Variants in OR6C74 observed in about 807,000 individuals in gnomAD.
OR6C74 encodes the protein olfactory receptor family 6 subfamily C member 74.
For missense variants in OR6C74, 361 were observed against 362.9 expected, an observed-to-expected ratio of 0.99 and a Z score of 0.04; for synonymous variants, 142 against 134.2, an observed-to-expected ratio of 1.06 and a Z score of -0.40.
chr12:55,245,909 A>G (rs1954267584), intron 1 of OR6C74, among the ~76,000 whole-genome samples: 1 of 152,190 alleles, frequency 6.6e-6, no homozygotes, highest in African/African-American at 2.4e-5. Flanking sequence ...AATAATGGGA[A>G]AGGAAGGGGA....
rs1472592394 is a variant in OR6C74 at position 55,247,695 on chromosome 12, CAG to C, written c.411_412del (p.Arg137SerfsTer28). The C allele has an allele frequency of 6.2e-7, 1 of 1,614,022 alleles. No individual in the cohort carries two copies. The highest frequency in any genetic ancestry group is 1.1e-5 in the South Asian group (1 of 91,078). Reference protein sequence around the residue: ...PLHYTTIMSSRVCSLLVFASW... With the variant: ...PLHYTTIMSSXVCSLLVFASW... ...TGCATTACACCACCATCATGAGCAG[CAG>C]AGTTTGCAGCTTGCTGGTCTTTGCT... On this transcript the variant is annotated frameshift_variant, in exon 2 of 2. Coordinates refer to ENST00000343399, the MANE Select transcript of OR6C74 (RefSeq NM_001005490.2). LOFTEE classifies it low-confidence loss of function (END_TRUNC).
chr12:55,249,005 A>G lies in OR6C74; in HGVS notation c.*779A>G, dbSNP rs896197517. ...TGATGACAACAAAAATAAATACCCA[A>G]GGATGACAAAAATGATGCCTTCATG... On this transcript the variant is annotated 3_prime_UTR_variant, in exon 2 of 2. Transcript: ENST00000343399. Among the ~76,000 whole-genome samples the G allele has an allele frequency of 6.6e-6, 1 of 152,200 alleles. No homozygotes were observed. Among genetic ancestry groups the G allele is most frequent in the Non-Finnish European group, 1.5e-5 (1 of 68,008 alleles).
intron 1 of OR6C74, among the ~76,000 whole-genome samples, chr12:55,245,117 T>A (rs963617637): frequency 6.6e-6 from 1 of 152,136 alleles, no homozygotes; most frequent in African/African-American, 2.4e-5. Flanking sequence ...CAGTATGGCA[T>A]GAAATTATAA....
rs1954308171 is a variant in OR6C74, at chr12:55,250,972, G to T, written c.*2746G>T. Among the ~76,000 whole-genome samples, 1 of 151,968 alleles carries T rather than the reference G, an allele frequency of 6.6e-6. No individual in the cohort carries two copies. The highest frequency in any genetic ancestry group is 1.5e-5 in the Non-Finnish European group (1 of 67,954). On this transcript the variant is annotated 3_prime_UTR_variant, in exon 2 of 2. Coordinates refer to ENST00000343399, the MANE Select transcript of OR6C74 (RefSeq NM_001005490.2). Reference sequence around the variant, plus strand: ...TGATCTCTAACTCATCCTCCACATTGCTAGTAGGATACTTTCTAAAATACA... The same window carrying T: ...TGATCTCTAACTCATCCTCCACATTTCTAGTAGGATACTTTCTAAAATACA...
rs1204151786 is a variant in OR6C74, at chr12:55,247,435, G to A, written c.148G>A (p.Asp50Asn). 1 of 1,613,640 alleles carries A rather than the reference G, an allele frequency of 6.2e-7. No individual in the cohort carries two copies. Among genetic ancestry groups the A allele is most frequent in the Admixed American group, 1.7e-5 (1 of 59,992 alleles). Residue 50 changes from aspartate (D) to asparagine (N), a missense_variant, in exon 2 of 2, where the codon GAT (aspartate) becomes AAT (asparagine). By Grantham distance (23) the Asp-to-Asn change is conservative (BLOSUM62 1). Coordinates refer to ENST00000343399, the MANE Select transcript of OR6C74 (RefSeq NM_001005490.2). ...NLTIITLTLL[D>N]LHLKTPMYFF... ...AACCATCATCACTCTCACCCTACTG[G>A]ATTTGCATCTCAAGACACCCATGTA...
chr12:55,253,026 C>T lies in OR6C74; in HGVS notation c.*4800C>T, dbSNP rs1158885687. Among the ~76,000 whole-genome samples the T allele has an allele frequency of 6.6e-6, 1 of 151,696 alleles. No homozygotes were observed. The highest frequency in any genetic ancestry group is 1.5e-5 in the Non-Finnish European group (1 of 67,870). On this transcript the variant is annotated 3_prime_UTR_variant, in exon 2 of 2. Coordinates refer to ENST00000343399, the MANE Select transcript of OR6C74 (RefSeq NM_001005490.2). The stretch of plus-strand genomic sequence containing the variant: ...CAGGATCTCAGGTGGAAGTCTGTAC[C>T]AAAACAATCCTTGGCCTGTGGGCTA...
At position 55,256,607 on chromosome 12, in the gene OR6C74, C is replaced by T. The variant is rs1954347244; in HGVS notation, c.*8381C>T. Among the ~76,000 whole-genome samples the T allele has an allele frequency of 6.6e-6, 1 of 152,064 alleles. No individual in the cohort carries two copies. The highest frequency in any genetic ancestry group is 2.1e-4 in the South Asian group (1 of 4,830). On this transcript the variant is annotated 3_prime_UTR_variant, in exon 2 of 2. Coordinates refer to ENST00000343399, the MANE Select transcript of OR6C74 (RefSeq NM_001005490.2). ...TGTTATGTTAAAGAACTACTTCATCCCCATGTGACCATCTCACCTCATAAT... is the reference window on the plus strand; with the variant it reads ...TGTTATGTTAAAGAACTACTTCATCTCCATGTGACCATCTCACCTCATAAT...
chr12:55,245,198 A>T (rs1331388637), intron 1 of OR6C74, among the ~76,000 whole-genome samples: 6 of 152,078 alleles, frequency 3.9e-5, no homozygotes, highest in Non-Finnish European at 8.8e-5. Flanking sequence ...TGTACTGAAA[A>T]AATTAAGTGT....
rs962926607 is a variant in OR6C74 at position 55,256,151 on chromosome 12, C to T, written c.*7925C>T. 2.6e-4 allele frequency among the ~76,000 whole-genome samples: 40 copies of T among 152,196 alleles called. 1 individual carries two copies. Among genetic ancestry groups the T allele is most frequent in the African/African-American group, 9.4e-4 (39 of 41,548 alleles). On this transcript the variant is annotated 3_prime_UTR_variant, in exon 2 of 2. Coordinates refer to ENST00000343399, the MANE Select transcript of OR6C74 (RefSeq NM_001005490.2). ...CTTCCCCCTGCAGAGAGCCTACGAA[C>T]GGACATGCAGTCAGGGAGGTTTCAC...
chr12:55,248,184 T>G lies in OR6C74; in HGVS notation c.897T>G (p.Phe299Leu). 1 of 1,612,812 alleles carries G rather than the reference T, an allele frequency of 6.2e-7. No homozygotes were observed. The highest frequency in any genetic ancestry group is 1.7e-4 in the Middle Eastern group (1 of 6,056). ...GAAACAAACAAGTAAAAGATGTTTT[T>G]AAGCACACAGTCAAAAAGATTGAAC... is the stretch of plus-strand genomic sequence containing the variant. ...TLRNKQVKDV[F>L]KHTVKKIELF... is the part of the protein sequence containing the mutation. Residue 299 changes from phenylalanine to leucine, a missense_variant, in exon 2 of 2, where the codon TTT becomes TTG. Transcript: ENST00000343399.
chr12:55,248,424 T>G lies in OR6C74; in HGVS notation c.*198T>G. On this transcript the variant is annotated 3_prime_UTR_variant, in exon 2 of 2. Transcript: ENST00000343399. ...TGCTGAGATCACATAGAAAAGATAT[T>G]TCTTGGTTTTGGTCAAAATCATTTG... 1 of 456,614 alleles carries G rather than the reference T, an allele frequency of 2.2e-6. No homozygotes were observed. The highest frequency in any genetic ancestry group is 3.4e-5 in the East Asian group (1 of 29,476). The allele number at this position is 456,614 out of a possible 1,614,324, so 28.3% of individuals were successfully genotyped here.
chr12:55,247,654 G>T lies in OR6C74; in HGVS notation c.367G>T (p.Ala123Ser). The change falls in exon 2 of 2, where the codon GCC (alanine) becomes TCC (serine). Residue 123 changes from alanine (A) to serine (S), a missense_variant. By Grantham distance (99) the Ala-to-Ser change is moderately conservative. Transcript: ENST00000343399. ...LAAMSYERYV[A>S]ICKPLHYTTI... is the part of the protein sequence containing the mutation. ...TGCCATGTCCTATGAGCGCTATGTG[G>T]CCATCTGCAAACCCCTGCATTACAC... The T allele has an allele frequency of 6.2e-7, 1 of 1,613,842 alleles. No homozygotes were observed. The highest frequency in any genetic ancestry group is 8.5e-7 in the Non-Finnish European group (1 of 1,179,930).
Position 55,247,419 on chromosome 12 carries a change from C to A in OR6C74, c.132C>A (p.Ile44=). Residue 44 remains isoleucine, a synonymous_variant, in exon 2 of 2, where the codon ATC becomes ATA. Transcript: ENST00000343399. ...MLSITGNLTI[I]TLTLLDLHLK... is the part of the protein sequence containing the mutation. ...GCATCACTGGGAATCTAACCATCAT[C>A]ACTCTCACCCTACTGGATTTGCATC... 2 of 1,613,406 alleles carry A rather than the reference C, an allele frequency of 1.2e-6. No individual in the cohort carries two copies. Among genetic ancestry groups the A allele is most frequent in the Non-Finnish European group, 1.7e-6 (2 of 1,179,386 alleles).
rs1954343092 is a variant in OR6C74, at chr12:55,256,134, TGCAGAGA to T, written c.*7911_*7917del. 6.6e-6 allele frequency among the ~76,000 whole-genome samples: 1 copy of T among 152,044 alleles called. No individual in the cohort carries two copies. The highest frequency in any genetic ancestry group is 2.4e-5 in the African/African-American group (1 of 41,394). On this transcript the variant is annotated 3_prime_UTR_variant, in exon 2 of 2. Coordinates refer to ENST00000343399, the MANE Select transcript of OR6C74 (RefSeq NM_001005490.2). ...CAACAGCACATGATGTGCTTCCCCC[TGCAGAGA>T]GCCTACGAACGGACATGCAGTCAGG...
In OR6C74 at chr12:55,247,032, G is replaced by A. The variant is rs114804349; in HGVS notation, c.-9-247G>A. 1.0e-2 allele frequency among the ~76,000 whole-genome samples: 1,520 copies of A among 152,100 alleles called. 29 individuals are homozygous for A. Among genetic ancestry groups the A allele is most frequent in the East Asian group, 0.037 (194 of 5,174 alleles). On this transcript the variant is annotated intron_variant, in intron 1 of 1. Coordinates refer to ENST00000343399, the MANE Select transcript of OR6C74 (RefSeq NM_001005490.2). ...TTTTTATATTGACATGACTTTTATC[G>A]ATGCAACATATTATCCCTTCGCAAT...
rs1381868423 is a variant in OR6C74 at position 55,248,555 on chromosome 12, G to A, written c.*329G>A. Among the ~76,000 whole-genome samples the A allele has an allele frequency of 6.6e-6, 1 of 152,122 alleles. No individual in the cohort carries two copies. Among genetic ancestry groups the A allele is most frequent in the East Asian group, 1.9e-4 (1 of 5,190 alleles). On this transcript the variant is annotated 3_prime_UTR_variant, in exon 2 of 2. Coordinates refer to ENST00000343399, the MANE Select transcript of OR6C74 (RefSeq NM_001005490.2). ...CTTTTCCACTCTTCTGGAATTCAAG[G>A]ACCCAATTTGTCATATATTCTACAT...
rs1166400950 is a variant in OR6C74 at position 55,247,818 on chromosome 12, T to C, written c.531T>C (p.Cys177=). ...CCAACACTGTAGATCATTTCTTCTG[T>C]GATGTTTCTCCTATACTGCAGCTCT... is the stretch of plus-strand genomic sequence containing the variant. ...CAANTVDHFF[C]DVSPILQLSC... The change falls in exon 2 of 2, where the codon TGT becomes TGC. Residue 177 remains cysteine, a synonymous_variant. Transcript: ENST00000343399. 1.2e-6 allele frequency: 2 copies of C among 1,614,048 alleles called. No individual in the cohort carries two copies. The highest frequency in any genetic ancestry group is 2.2e-5 in the East Asian group (1 of 44,854).
Position 55,247,482 on chromosome 12 carries a change from A to G in OR6C74, c.195A>G (p.Ser65=), listed in dbSNP as rs376630296. Residue 65 remains serine (S), a synonymous_variant, in exon 2 of 2, where the codon TCA becomes TCG. Transcript: ENST00000343399. ...TPMYFFLRNF[S]FLEVSFTTVY... is the part of the protein sequence containing the mutation. Reference sequence around the variant, plus strand: ...TGTATTTCTTCCTCCGAAATTTCTCATTTTTAGAAGTCTCATTCACAACTG... The same window carrying G: ...TGTATTTCTTCCTCCGAAATTTCTCGTTTTTAGAAGTCTCATTCACAACTG... 12 of 1,613,578 alleles carry G rather than the reference A, an allele frequency of 7.4e-6. No individual in the cohort carries two copies. In the African/African-American group the frequency reaches 1.3e-4, roughly 18 times the overall value.
rs148332668 is a variant in OR6C74, at chr12:55,247,755, G to A, written c.468G>A (p.Pro156=). ...SWMAGFLIIF[P]PLLMGLQLDF... ...TGGCTGGCTTCCTAATAATTTTTCC[G>A]CCACTCCTGATGGGTCTCCAGCTTG... Residue 156 remains proline, a synonymous_variant, in exon 2 of 2, where the codon CCG becomes CCA. Coordinates refer to ENST00000343399, the MANE Select transcript of OR6C74 (RefSeq NM_001005490.2). 167 of 1,613,758 alleles carry A rather than the reference G, an allele frequency of 1.0e-4. No individual in the cohort carries two copies. Among genetic ancestry groups the A allele is most frequent in the Middle Eastern group, 6.6e-4 (4 of 6,062 alleles).
Sources: gnomAD v4.1 joint callset for allele counts (sites outside exome capture counted in the v4.1 genomes callset) on GRCh38, gnomAD v4.1.1 for gene constraint, MANE v1.5 for transcripts, NCBI Gene and HGNC (gene_info 2026-07-23, HGNC 2026-07-21) for gene names.